ADAMTSL1: variants seen among roughly 807,000 people sequenced by gnomAD.
The protein encoded by ADAMTSL1 is ADAMTS-like protein 1.
A neutral mutation model predicts 201.8 loss-of-function variants in ADAMTSL1; 126 were observed. That is an observed-to-expected ratio of 0.62 (90% CI 0.54 to 0.72). ADAMTSL1 has a LOEUF of 0.72. Ranked by LOEUF, ADAMTSL1 falls within the 30% of genes least tolerant of loss-of-function variation. The pLI, the probability that ADAMTSL1 is intolerant of heterozygous loss-of-function variation, is 0.00. For synonymous variants in ADAMTSL1, 1,121 were observed against 903.4 expected (o/e 1.24, Z -4.32); for missense variants, 2,679 against 2,277.8 (o/e 1.18, Z -3.59).
At chr9:17,961,530 C>T (rs915229886) in intron 1 of ADAMTSL1, among the ~76,000 whole-genome samples, 27 of 152,154 alleles carry the variant, frequency 1.8e-4, no homozygotes, top group African/African-American at 5.8e-4. Flanking sequence ...GGATTACAGG[C>T]GTGAGCCACC....
chr9:18,559,185 A>G (rs1471879749), intron 3 of ADAMTSL1, among the ~76,000 whole-genome samples: 1 of 152,172 alleles, frequency 6.6e-6, no homozygotes, highest in Non-Finnish European at 1.5e-5. Context: ...ATTTTTGTAT[A>G]AGGTGTAAGG....
intron 23 of ADAMTSL1, among the ~76,000 whole-genome samples, chr9:18,860,134 T>C (rs1457507040): frequency 1.3e-5 from 2 of 152,224 alleles, no homozygotes; most frequent in African/African-American, 4.8e-5. Flanking sequence ...TGAACATGCA[T>C]TGGTATTTTT....
intron 3 of ADAMTSL1, among the ~76,000 whole-genome samples, chr9:18,553,768 C>T (rs6475230): frequency 0.54 from 81,783 of 151,594 alleles, 22,822 homozygotes; most frequent in East Asian, 0.72. Flanking sequence ...TAACTACCAT[C>T]GTTGCCATTG....
chr9:18,538,130 G>A (rs1213851481), intron 3 of ADAMTSL1, among the ~76,000 whole-genome samples: 1 of 152,130 alleles, frequency 6.6e-6, no homozygotes, highest in Non-Finnish European at 1.5e-5. Context: ...CAAAGCAGGG[G>A]GAAGAAGCAG....
At chr9:18,231,394 G>C (rs368766676) in intron 2 of ADAMTSL1, among the ~76,000 whole-genome samples, 11 of 152,152 alleles carry the variant, frequency 7.2e-5, no homozygotes, top group Admixed American at 1.3e-4. Context: ...CAGGTTCTAC[G>C]ACCTAGAGTC....
intron 15 of ADAMTSL1, among the ~76,000 whole-genome samples, chr9:18,725,479 G>A (rs1006037040): frequency 4.2e-4 from 64 of 152,152 alleles, no homozygotes; most frequent in Non-Finnish European, 1.9e-4. Context: ...CAAAGTTAAT[G>A]AGTAATTTGT....
intron 23 of ADAMTSL1, among the ~76,000 whole-genome samples, chr9:18,843,754 A>C (rs948815786): frequency 2.7e-5 from 4 of 150,620 alleles, no homozygotes; most frequent in African/African-American, 1.0e-4. Context: ...TTTTTTCTCT[A>C]AACTTCCCTT....
chr9:18,178,939 G>T (rs1008348953), intron 2 of ADAMTSL1, among the ~76,000 whole-genome samples: 1 of 152,176 alleles, frequency 6.6e-6, no homozygotes, highest in East Asian at 1.9e-4. Context: ...AAACAGAGCA[G>T]AAAAACTGGA....
At chr9:18,719,280 AAAAAG>A (rs1260294469) in intron 14 of ADAMTSL1, among the ~76,000 whole-genome samples, 1 of 152,248 alleles carries the variant, frequency 6.6e-6, no homozygotes, top group Non-Finnish European at 1.5e-5. Context: ...ACAATTTAGA[AAAAAG>A]AAAATGTAAA....
intron 2 of ADAMTSL1, among the ~76,000 whole-genome samples, chr9:18,238,234 C>G (rs941588347): frequency 6.6e-6 from 1 of 152,028 alleles, no homozygotes; most frequent in African/African-American, 2.4e-5. Context: ...TAAGATTCTC[C>G]TATATAGTTT....
chr9:18,504,725 C>A (rs1440967196), intron 1 of ADAMTSL1, 104 bp from the exon 2 acceptor site: 2 of 1,519,342 alleles, frequency 1.3e-6, no homozygotes, highest in Non-Finnish European at 9.1e-7. Context: ...TCATTCCTAG[C>A]AAAGCCACCA....
At chr9:18,399,306 T>C (rs866643849) in intron 2 of ADAMTSL1, among the ~76,000 whole-genome samples, 2 of 114,764 alleles carry the variant, frequency 1.7e-5, no homozygotes, top group Admixed American at 1.8e-4. Flanking sequence ...TATATATATA[T>C]ATATATATAT....
At chr9:18,540,089 C>T (rs895149955) in intron 3 of ADAMTSL1, among the ~76,000 whole-genome samples, 1 of 152,044 alleles carries the variant, frequency 6.6e-6, no homozygotes, top group Non-Finnish European at 1.5e-5. Context: ...TTTTTTCAGG[C>T]TGCAATGAGA....
chr9:18,701,421 T>C (rs1831916760), intron 13 of ADAMTSL1, among the ~76,000 whole-genome samples: 2 of 152,180 alleles, frequency 1.3e-5, no homozygotes, highest in Admixed American at 1.3e-4. Flanking sequence ...GGTTTCGCCA[T>C]GTTGGCCAGG....
chr9:18,119,871 A>G (rs1429363955), intron 1 of ADAMTSL1, among the ~76,000 whole-genome samples: 1 of 152,152 alleles, frequency 6.6e-6, no homozygotes, highest in Admixed American at 6.5e-5. Context: ...ATTACATAGC[A>G]TGGTCTTTTA....
intron 1 of ADAMTSL1, among the ~76,000 whole-genome samples, chr9:18,480,593 G>T (rs142398999): frequency 0.021 from 3,241 of 152,268 alleles, 57 homozygotes; most frequent in Middle Eastern, 0.041. Context: ...TGGGAAAGGT[G>T]TTGTTTGTTA....
At chr9:18,666,355 T>A (rs1829430246) in intron 9 of ADAMTSL1, among the ~76,000 whole-genome samples, 1 of 152,104 alleles carries the variant, frequency 6.6e-6, no homozygotes, top group Admixed American at 6.6e-5. Flanking sequence ...TAGATAAAAT[T>A]AATAAGGCTT....
At chr9:18,016,985 G>T (rs1394396763) in intron 1 of ADAMTSL1, among the ~76,000 whole-genome samples, 3 of 151,990 alleles carry the variant, frequency 2.0e-5, no homozygotes, top group African/African-American at 7.2e-5. Context: ...CCTAGCATAT[G>T]TACCCTTATT....
chr9:18,085,581 T>A lies in ADAMTSL1; in HGVS notation c.88-78281T>A, dbSNP rs145336347. On this transcript the variant is annotated intron_variant, in intron 1 of 29. Transcript: ENST00000680146. Reference sequence around the variant, plus strand: ...ACTGTGTGTATACATATATACACACTGTGTGTGTGTATACGTATATACACT... The same window carrying A: ...ACTGTGTGTATACATATATACACACAGTGTGTGTGTATACGTATATACACT... Among the ~76,000 whole-genome samples the A allele has an allele frequency of 4.0e-3, 576 of 144,724 alleles. 9 individuals are homozygous for A. The South Asian group carries it at 0.046, about 12-fold the overall frequency. 94.9% of individuals were successfully genotyped at this position (144,724 alleles called of 152,430 possible). A position where few individuals can be genotyped will look rare whatever the true frequency, so the allele number is the denominator to read the frequency against.
Sources: gnomAD v4.1 joint callset for allele counts (sites outside exome capture counted in the v4.1 genomes callset) on GRCh38, gnomAD v4.1.1 for gene constraint, MANE v1.5 for transcripts, NCBI Gene and HGNC (gene_info 2026-07-23, HGNC 2026-07-21) for gene names.